Variants in ACAP2 observed in about 807,000 individuals in gnomAD.
ACAP2 encodes the protein ArfGAP with coiled-coil, ankyrin repeat and PH domains 2.
A neutral mutation model predicts 115.8 loss-of-function variants in ACAP2; 39 were observed. The observed-to-expected ratio is 0.34, with a 90% CI of 0.26 to 0.44. The LOEUF (loss-of-function observed/expected upper bound fraction) is 0.44, where lower values mean the gene tolerates loss of function less well. Ranked by LOEUF, ACAP2 falls within the 20% of genes least tolerant of loss-of-function variation. The pLI, the probability that ACAP2 is intolerant of heterozygous loss-of-function variation, is 1.00. For missense variants in ACAP2, 662 were observed against 927.6 expected, an observed-to-expected ratio of 0.71 and a Z score of 3.72; for synonymous variants, 289 against 315.8, an observed-to-expected ratio of 0.92 and a Z score of 0.90.
At chr3:195,353,918 T>C (rs1731780902) in intron 4 of ACAP2, among the ~76,000 whole-genome samples, 1 of 152,162 alleles carries the variant, frequency 6.6e-6, no homozygotes, top group Non-Finnish European at 1.5e-5. Context: ...GGATTTGTTA[T>C]ACAGATTATT....
intron 22 of ACAP2, among the ~76,000 whole-genome samples, chr3:195,282,955 C>A (rs998132723): frequency 3.9e-5 from 6 of 152,214 alleles, no homozygotes; most frequent in African/African-American, 1.4e-4. Flanking sequence ...CCTCACCTCA[C>A]AGGGACGGCA....
At chr3:195,436,949 G>A (rs1201885052) in intron 1 of ACAP2, among the ~76,000 whole-genome samples, 1 of 152,106 alleles carries the variant, frequency 6.6e-6, no homozygotes, top group African/African-American at 2.4e-5. Context: ...AAATATAATG[G>A]GGTAGGGAAA....
intron 7 of ACAP2, among the ~76,000 whole-genome samples, chr3:195,334,346 TA>T (rs1641108693): frequency 6.6e-6 from 1 of 152,118 alleles, no homozygotes. Flanking sequence ...TAAATTATTT[TA>T]AAAATTGATT....
intron 6 of ACAP2, among the ~76,000 whole-genome samples, chr3:195,337,964 T>C (rs113179685): frequency 0.019 from 2,868 of 149,128 alleles, 78 homozygotes; most frequent in East Asian, 0.094. Context: ...AACCTGAGCC[T>C]GGGGCCACTC....
At chr3:195,355,539 C>T (rs1731904410) in intron 4 of ACAP2, among the ~76,000 whole-genome samples, 1 of 152,114 alleles carries the variant, frequency 6.6e-6, no homozygotes, top group Admixed American at 6.6e-5. Context: ...ACATGTATTA[C>T]AAATAATCAA....
At chr3:195,401,871 A>G (rs982567103) in intron 1 of ACAP2, among the ~76,000 whole-genome samples, 19 of 152,296 alleles carry the variant, frequency 1.2e-4, no homozygotes, top group African/African-American at 4.3e-4. Flanking sequence ...AAGCCCCAGA[A>G]ATTTGACAAG....
chr3:195,382,542 CCTTT>C (rs1734018387), intron 2 of ACAP2, among the ~76,000 whole-genome samples: 1 of 152,118 alleles, frequency 6.6e-6, no homozygotes, highest in Non-Finnish European at 1.5e-5. Flanking sequence ...TTCTTTCTCT[CCTTT>C]CTTTCAGACA....
At chr3:195,432,696 G>A (rs540477337) in intron 1 of ACAP2, among the ~76,000 whole-genome samples, 25 of 152,248 alleles carry the variant, frequency 1.6e-4, no homozygotes, top group Admixed American at 3.9e-4. Context: ...TGAATTTTAG[G>A]ATCAGCTTGA....
intron 10 of ACAP2, among the ~76,000 whole-genome samples, chr3:195,319,125 T>G (rs373497703): frequency 6.6e-6 from 1 of 152,112 alleles, no homozygotes; most frequent in African/African-American, 2.4e-5. Flanking sequence ...GTGGCTTCCA[T>G]GTGGTATTAG....
At chr3:195,304,505 C>T (rs77999724) in intron 13 of ACAP2, among the ~76,000 whole-genome samples, 3,289 of 152,284 alleles carry the variant, frequency 0.022, 116 homozygotes, top group East Asian at 0.1. Context: ...TTCAATCCTA[C>T]TGTCGCTGCC....
chr3:195,430,995 T>C (rs987992154), intron 1 of ACAP2, among the ~76,000 whole-genome samples: 1 of 151,944 alleles, frequency 6.6e-6, no homozygotes, highest in Non-Finnish European at 1.5e-5. Flanking sequence ...CTCCAGAAAA[T>C]CTTCATCACT....
At chr3:195,299,564 C>T (rs370128009) in intron 15 of ACAP2, among the ~76,000 whole-genome samples, 1,994 of 133,276 alleles carry the variant, frequency 0.015, 31 homozygotes, top group Middle Eastern at 0.054. Context: ...AAAGGCCGGG[C>T]GCGGTGGCTC....
rs190739828 is a variant in ACAP2 at position 195,398,470 on chromosome 3, C to G, written c.54-6323G>C. On this transcript the variant is annotated intron_variant, in intron 1 of 22. Coordinates refer to ENST00000326793, the MANE Select transcript of ACAP2 (RefSeq NM_012287.6). The stretch of plus-strand genomic sequence containing the variant: ...GGCCAGCCTGATCAACATGGTGAAA[C>G]CCTGTCTCTACTAAAAATGCGCCAG... Among the ~76,000 whole-genome samples, 53 of 151,942 alleles carry G rather than the reference C, an allele frequency of 3.5e-4. 1 individual carries two copies. The East Asian group carries it at 0.01, about 29-fold the overall frequency.
At chr3:195,279,728 C>T (rs754274060) in intron 22 of ACAP2, 20 of 181,806 alleles carry the variant, frequency 1.1e-4, no homozygotes, top group African/African-American at 1.9e-4. Context: ...TATTAACACA[C>T]GGGGGGGAAA....
intron 10 of ACAP2, among the ~76,000 whole-genome samples, chr3:195,312,684 C>G (rs761265260): frequency 3.9e-5 from 6 of 152,068 alleles, no homozygotes; most frequent in Non-Finnish European, 7.3e-5. Context: ...AAGTAAATTA[C>G]TCAATCTGTA....
At chr3:195,386,358 C>T (rs1734302443) in intron 2 of ACAP2, among the ~76,000 whole-genome samples, 1 of 152,128 alleles carries the variant, frequency 6.6e-6, no homozygotes, top group Non-Finnish European at 1.5e-5. Context: ...GAATTACTCA[C>T]TTTGAAATAC....
At chr3:195,377,118 T>A (rs1733598102) in intron 4 of ACAP2, among the ~76,000 whole-genome samples, 1 of 149,434 alleles carries the variant, frequency 6.7e-6, no homozygotes, top group African/African-American at 2.5e-5. Context: ...CCCTTCATTT[T>A]ACAGAGGAGG....
chr3:195,415,581 A>G (rs966247528), intron 1 of ACAP2, among the ~76,000 whole-genome samples: 1 of 152,046 alleles, frequency 6.6e-6, no homozygotes, highest in African/African-American at 2.4e-5. Context: ...AGCCAAGTCC[A>G]TTTTTTAAAA....
intron 1 of ACAP2, among the ~76,000 whole-genome samples, chr3:195,419,915 C>T (rs1714035784): frequency 6.6e-6 from 1 of 152,200 alleles, no homozygotes; most frequent in Admixed American, 6.5e-5. Flanking sequence ...TATACTTCAA[C>T]AATACATTTT....
Sources: allele counts gnomAD v4.1 joint callset (sites outside exome capture counted in the v4.1 genomes callset), GRCh38; gene constraint gnomAD v4.1.1; transcripts MANE v1.5; gene names NCBI Gene and HGNC (gene_info 2026-07-23, HGNC 2026-07-21).